Variants in VAT1L observed in about 807,000 individuals in gnomAD.
VAT1L encodes the protein vesicle amine transport 1 like, also known as putative NADPH-dependent quinone oxidoreductase VAT1L.
In VAT1L, 34 loss-of-function variants were observed where a neutral mutation model predicts 44.1. The ratio of observed to expected loss-of-function variants is 0.77; its 90% CI spans 0.59 to 1.03. VAT1L has a LOEUF of 1.03. Among genes scored for constraint, VAT1L ranks in the 50% least tolerant of loss-of-function variants. VAT1L has a pLI of 0.00. For synonymous variants in VAT1L, 253 were observed against 202.2 expected (o/e 1.25, Z -2.13); for missense variants, 615 against 538.8 (o/e 1.14, Z -1.40).
intron 5 of VAT1L, among the ~76,000 whole-genome samples, chr16:77,877,512 CAAAAAAAAAAAAAAAAA>C (rs55704400): frequency 1.4e-4 from 12 of 86,798 alleles, no homozygotes; most frequent in South Asian, 7.2e-4. Flanking sequence ...GACTCTGTCT[CAAAAAAAAAAAAAAAAA>C]AAAAAAAAAA....
chr16:77,937,484 T>G (rs1597108459), intron 7 of VAT1L, among the ~76,000 whole-genome samples: 1 of 147,094 alleles, frequency 6.8e-6, no homozygotes, highest in Non-Finnish European at 1.5e-5. Flanking sequence ...CCAAGAGACT[T>G]TCCCCCACTA....
At chr16:77,877,486 C>G (rs1321711421) in intron 5 of VAT1L, among the ~76,000 whole-genome samples, 1 of 129,912 alleles carries the variant, frequency 7.7e-6, no homozygotes, top group Non-Finnish European at 1.6e-5. Context: ...GCACTCTAGC[C>G]TGGGCGACAG....
At chr16:77,826,088 T>C (rs1294905656) in intron 3 of VAT1L, among the ~76,000 whole-genome samples, 2 of 139,192 alleles carry the variant, frequency 1.4e-5, no homozygotes, top group Non-Finnish European at 3.1e-5. Flanking sequence ...GCGCCTGTAG[T>C]CCCAGCTACT....
At chr16:77,898,329 G>A (rs142536704) in intron 7 of VAT1L, among the ~76,000 whole-genome samples, 10 of 152,100 alleles carry the variant, frequency 6.6e-5, no homozygotes, top group African/African-American at 1.2e-4. Context: ...TGGAAAAGAG[G>A]GGGGGGACAC....
intron 1 of VAT1L, among the ~76,000 whole-genome samples, chr16:77,813,484 G>T (rs1597174375): frequency 6.6e-6 from 1 of 152,230 alleles, no homozygotes; most frequent in Non-Finnish European, 1.5e-5. Flanking sequence ...AGCAGGAGGT[G>T]TGATGGAGCT....
At position 77,790,941 on chromosome 16, in the gene VAT1L, T is replaced by TAC. The variant is rs548177355; in HGVS notation, c.233+2040_233+2041dup. On this transcript the variant is annotated intron_variant, in intron 1 of 8. Transcript: ENST00000302536. ...GTGAAAGCCTGTTCTTCAGTGGCGC[T>TAC]ACACACACACACACAGAAATCACTG... 9.9e-4 allele frequency among the ~76,000 whole-genome samples: 149 copies of TAC among 151,220 alleles called. 3 individuals are homozygous for TAC. The East Asian group carries it at 0.017, about 17-fold the overall frequency.
rs1215881677 is a variant in VAT1L at position 77,979,068 on chromosome 16, C to A, written c.*1373C>A. 6.6e-6 allele frequency: 1 copy of A among 152,476 alleles called. No individual in the cohort carries two copies. Among genetic ancestry groups the A allele is most frequent in the Non-Finnish European group, 1.5e-5 (1 of 68,038 alleles). The allele number at this position is 152,476 out of a possible 1,614,324, so 9.4% of individuals were successfully genotyped here. ...TTACATTGCCCAGTTTCTCCACCAA[C>A]AAGCCTTAGGGTGGACCCAACCCTT... On this transcript the variant is annotated 3_prime_UTR_variant, in exon 9 of 9. Transcript: ENST00000302536.
At chr16:77,939,714 G>A (rs2017854357) in intron 7 of VAT1L, among the ~76,000 whole-genome samples, 1 of 152,106 alleles carries the variant, frequency 6.6e-6, no homozygotes, top group Non-Finnish European at 1.5e-5. Context: ...GTGACTTGAA[G>A]GAATACAAAG....
chr16:77,925,008 A>G (rs977092711), intron 7 of VAT1L, among the ~76,000 whole-genome samples: 2 of 152,196 alleles, frequency 1.3e-5, no homozygotes, highest in African/African-American at 4.8e-5. Flanking sequence ...CATTAAAGGT[A>G]AGAATACTCA....
chr16:77,895,742 T>C (rs1167148069), intron 7 of VAT1L, among the ~76,000 whole-genome samples: 1 of 152,232 alleles, frequency 6.6e-6, no homozygotes, highest in Non-Finnish European at 1.5e-5. Flanking sequence ...AACTAATACA[T>C]ACCACTAATG....
At chr16:77,789,176 C>T (rs192842902) in intron 1 of VAT1L, among the ~76,000 whole-genome samples, 1 of 152,246 alleles carries the variant, frequency 6.6e-6, no homozygotes, top group African/African-American at 2.4e-5. Flanking sequence ...CCAGGCACCC[C>T]GGGTCTGGAA....
intron 5 of VAT1L, among the ~76,000 whole-genome samples, 180 bp downstream of exon 5, chr16:77,876,653 C>A (rs1257295083): frequency 1.3e-5 from 2 of 152,178 alleles, no homozygotes; most frequent in African/African-American, 4.8e-5. Flanking sequence ...TTTAAAATAA[C>A]ATGTGCCTAC....
At chr16:77,933,649 C>G (rs1354456708) in intron 7 of VAT1L, among the ~76,000 whole-genome samples, 2 of 152,086 alleles carry the variant, frequency 1.3e-5, no homozygotes, top group Non-Finnish European at 2.9e-5. Context: ...AAGAGGTGAT[C>G]TGAGGAGAAG....
At position 77,977,685 on chromosome 16, in the gene VAT1L, T is replaced by G; in HGVS notation, c.1250T>G (p.Phe417Cys). Residue 417 changes from phenylalanine to cysteine, a missense_variant, in exon 9 of 9, where the codon TTT (phenylalanine) becomes TGT (cysteine). Transcript: ENST00000302536. ...AGCGAGAACAAGGAGCGGATGCCCT[T>G]TATCCAGTAACTGAGGACCCAGGTG... ...GDSENKERMP[F>C]IQ The G allele has an allele frequency of 1.2e-6, 2 of 1,613,818 alleles. No individual in the cohort carries two copies. The highest frequency in any genetic ancestry group is 1.7e-6 in the Non-Finnish European group (2 of 1,179,878).
intron 7 of VAT1L, among the ~76,000 whole-genome samples, chr16:77,961,647 G>A (rs763107605): frequency 1.2e-4 from 18 of 152,046 alleles, no homozygotes; most frequent in Non-Finnish European, 1.9e-4. Context: ...CCATACCCAG[G>A]AATTTCCTGC....
At chr16:77,894,038 C>T (rs1334815360) in intron 7 of VAT1L, among the ~76,000 whole-genome samples, 4 of 152,252 alleles carry the variant, frequency 2.6e-5, no homozygotes, top group African/African-American at 9.6e-5. Flanking sequence ...GAATACGTTG[C>T]CCAAGGTCAC....
chr16:77,793,676 A>G (rs6564478), intron 1 of VAT1L, among the ~76,000 whole-genome samples: 139,579 of 152,156 alleles, frequency 0.92, 64,071 homozygotes, highest in East Asian at 0.99. Context: ...TTTTCCCAGA[A>G]TGATTTACAC....
At chr16:77,923,419 T>C (rs1253032472) in intron 7 of VAT1L, among the ~76,000 whole-genome samples, 1 of 152,122 alleles carries the variant, frequency 6.6e-6, no homozygotes, top group Admixed American at 6.5e-5. Flanking sequence ...CATTGCATCC[T>C]AGCCTGGGAG....
At chr16:77,912,607 T>C (rs539539832) in intron 7 of VAT1L, among the ~76,000 whole-genome samples, 25 of 152,320 alleles carry the variant, frequency 1.6e-4, no homozygotes, top group African/African-American at 6.0e-4. Context: ...AAATTAAACA[T>C]AGCATCCAAT....
Sources: allele counts gnomAD v4.1 joint callset (sites outside exome capture counted in the v4.1 genomes callset), GRCh38; gene constraint gnomAD v4.1.1; transcripts MANE v1.5; gene names NCBI Gene and HGNC (gene_info 2026-07-23, HGNC 2026-07-21).